The following SLMAP variants were observed in gnomAD, a reference collection of about 807,000 sequenced individuals.
SLMAP encodes sarcolemma associated protein.
SLMAP carries 44 observed loss-of-function variants against 128.8 expected under a neutral mutation model. That is an observed-to-expected ratio of 0.34 (90% CI 0.27 to 0.44). The LOEUF (loss-of-function observed/expected upper bound fraction) is 0.44. Ranked by LOEUF, SLMAP falls within the 20% of genes least tolerant of loss-of-function variation. The pLI is 1.00. For missense variants in SLMAP, 787 were observed against 985.3 expected (o/e 0.80, Z 2.69); for synonymous variants, 327 against 348.8 (o/e 0.94, Z 0.70).
At position 57,913,868 on chromosome 3, in the gene SLMAP, G is replaced by T. The variant is rs542496950; in HGVS notation, c.2138+593G>T. ...GGCTACTTGGAAGGCTGAGGTGGGAGAATTGCTTGGGCCCAGGAGGTCAAG... is the reference window on the plus strand; with the variant it reads ...GGCTACTTGGAAGGCTGAGGTGGGATAATTGCTTGGGCCCAGGAGGTCAAG... On this transcript the variant is annotated intron_variant, in intron 21 of 24. Coordinates refer to ENST00000671191, the MANE Select transcript of SLMAP (RefSeq NM_001377540.1). Among the ~76,000 whole-genome samples, 11 of 152,086 alleles carry T rather than the reference G, an allele frequency of 7.2e-5. No homozygotes were observed. The East Asian group carries it at 2.1e-3, about 29-fold the overall frequency.
rs548817125 is a variant in SLMAP, at chr3:57,768,993, A to G, written c.198+11144A>G. 2.8e-4 allele frequency among the ~76,000 whole-genome samples: 43 copies of G among 152,166 alleles called. No homozygotes were observed. The South Asian group carries it at 7.1e-3, about 25-fold the overall frequency. On this transcript the variant is annotated intron_variant, in intron 2 of 24. Coordinates refer to ENST00000671191, the MANE Select transcript of SLMAP (RefSeq NM_001377540.1). Reference sequence around the variant, plus strand: ...CCAATTCCATTAGATAAATCTCTCTATATAAATGTACATGCAATCGGTTCT... The same window carrying G: ...CCAATTCCATTAGATAAATCTCTCTGTATAAATGTACATGCAATCGGTTCT...
At chr3:57,861,862 T>C (rs1325098143) in intron 9 of SLMAP, 87 bp from the exon 10 acceptor site, 6 of 1,156,254 alleles carry the variant, frequency 5.2e-6, no homozygotes, top group Non-Finnish European at 7.6e-6. Flanking sequence ...CATAGAATTA[T>C]ACTTTTTATA....
At chr3:57,887,333 G>T (rs1035144208) in intron 14 of SLMAP, among the ~76,000 whole-genome samples, 1 of 151,032 alleles carries the variant, frequency 6.6e-6, no homozygotes, top group Non-Finnish European at 1.5e-5. Flanking sequence ...GGGTTCAAAC[G>T]GTTCTCCTGC....
Position 57,757,063 on chromosome 3 carries a change from T to C in SLMAP, c.-589T>C, listed in dbSNP as rs2077784449. 1 of 158,222 alleles carries C rather than the reference T, an allele frequency of 6.3e-6. No individual in the cohort carries two copies. The highest frequency in any genetic ancestry group is 1.8e-4 in the South Asian group (1 of 5,612). The allele number at this position is 158,222 out of a possible 1,614,324, so 9.8% of individuals were successfully genotyped here. ...CGCTCAGCAGGGGCGATGCAGACTGTCCCGCCGGCCGTCTAGAGCCCCTCC... is the reference window on the plus strand; with the variant it reads ...CGCTCAGCAGGGGCGATGCAGACTGCCCCGCCGGCCGTCTAGAGCCCCTCC... On this transcript the variant is annotated 5_prime_UTR_variant, in exon 2 of 25. Coordinates refer to ENST00000671191, the MANE Select transcript of SLMAP (RefSeq NM_001377540.1).
chr3:57,796,384 T>C (rs1172896809), intron 2 of SLMAP, among the ~76,000 whole-genome samples: 1 of 151,864 alleles, frequency 6.6e-6, no homozygotes, highest in Non-Finnish European at 1.5e-5. Context: ...TCTAGCCTGG[T>C]AATTAAGAGC....
intron 2 of SLMAP, among the ~76,000 whole-genome samples, chr3:57,778,496 T>C (rs898945176): frequency 6.6e-6 from 1 of 151,436 alleles, no homozygotes; most frequent in Non-Finnish European, 1.5e-5. Context: ...ATTTTTGTTC[T>C]TTATTATTTC....
At chr3:57,818,843 T>C (rs2092219016) in intron 2 of SLMAP, among the ~76,000 whole-genome samples, 3 of 152,226 alleles carry the variant, frequency 2.0e-5, no homozygotes, top group African/African-American at 4.8e-5. Flanking sequence ...TAAATAGAGA[T>C]AGAATTTGAA....
chr3:57,896,022 T>C (rs1559479269), intron 15 of SLMAP, among the ~76,000 whole-genome samples: 1 of 150,246 alleles, frequency 6.7e-6, no homozygotes. Context: ...AATTTTCTTA[T>C]TTTAAGTGGC....
chr3:57,812,538 A>T (rs907604321), intron 2 of SLMAP, among the ~76,000 whole-genome samples: 14 of 152,196 alleles, frequency 9.2e-5, no homozygotes, highest in African/African-American at 3.4e-4. Context: ...TTTCTTTTTC[A>T]AGATTGTTTT....
In SLMAP at chr3:57,847,247, GATT is replaced by G. The variant is rs1222881471; in HGVS notation, c.456+18_456+20del. On this transcript the variant is annotated intron_variant, in intron 5 of 24. Coordinates refer to ENST00000671191, the MANE Select transcript of SLMAP (RefSeq NM_001377540.1). ...CCTGTTGACAAAGTAAGTTGCTAAT[GATT>G]ATTTTTTCCAAACTGACTCAGCTAT... is the stretch of plus-strand genomic sequence containing the variant. 9.4e-6 allele frequency: 15 copies of G among 1,601,690 alleles called. No homozygotes were observed. Among genetic ancestry groups the G allele is most frequent in the Non-Finnish European group, 1.3e-5 (15 of 1,170,384 alleles).
chr3:57,827,821 T>G (rs1368207097), intron 2 of SLMAP, among the ~76,000 whole-genome samples: 2 of 152,054 alleles, frequency 1.3e-5, no homozygotes, highest in African/African-American at 4.8e-5. Flanking sequence ...AGAAGAAGGT[T>G]ATCAGCATAG....
chr3:57,791,421 T>C (rs1281857587), intron 2 of SLMAP, among the ~76,000 whole-genome samples: 1 of 152,154 alleles, frequency 6.6e-6, no homozygotes, highest in Non-Finnish European at 1.5e-5. Context: ...TTGTACTCTT[T>C]ACTTGCACAA....
At chr3:57,759,919 A>G (rs982180022) in intron 2 of SLMAP, among the ~76,000 whole-genome samples, 1 of 152,192 alleles carries the variant, frequency 6.6e-6, no homozygotes, top group African/African-American at 2.4e-5. Context: ...TGACTGTTTC[A>G]TGAATTGAGA....
At chr3:57,819,133 T>C (rs553817800) in intron 2 of SLMAP, among the ~76,000 whole-genome samples, 7 of 152,330 alleles carry the variant, frequency 4.6e-5, no homozygotes, top group Middle Eastern at 3.4e-3. Context: ...CCCAGAAAGT[T>C]TGTTTGCTTT....
rs201111677 is a variant in SLMAP at position 57,909,168 on chromosome 3, G to A, written c.1699+18G>A. 1 of 1,554,392 alleles carries A rather than the reference G, an allele frequency of 6.4e-7. No individual in the cohort carries two copies. The highest frequency in any genetic ancestry group is 8.8e-7 in the Non-Finnish European group (1 of 1,136,018). ...TCTTCAAGGTATGGAAGACCCCAAG[G>A]CTCTTTGAGATTGTTATTGTGTGTT... is the stretch of plus-strand genomic sequence containing the variant. On this transcript the variant is annotated intron_variant, in intron 19 of 24. Coordinates refer to ENST00000671191, the MANE Select transcript of SLMAP (RefSeq NM_001377540.1).
At chr3:57,842,715 C>A (rs982033193) in intron 4 of SLMAP, among the ~76,000 whole-genome samples, 3 of 152,096 alleles carry the variant, frequency 2.0e-5, no homozygotes, top group Non-Finnish European at 4.4e-5. Context: ...TTCTCTAATT[C>A]TTTTCATCTT....
intron 22 of SLMAP, among the ~76,000 whole-genome samples, chr3:57,918,966 C>T (rs2096864083): frequency 6.6e-6 from 1 of 152,166 alleles, no homozygotes; most frequent in Admixed American, 6.5e-5. Flanking sequence ...AGTTAGAAAG[C>T]AAGATGGAGC....
intron 22 of SLMAP, among the ~76,000 whole-genome samples, chr3:57,922,420 C>CT (rs1361913887): frequency 3.2e-4 from 46 of 142,718 alleles, no homozygotes; most frequent in South Asian, 6.6e-4. Flanking sequence ...ACATTAAAGG[C>CT]TTTTCTTTTT....
chr3:57,910,302 G>T (rs532693719), intron 19 of SLMAP, among the ~76,000 whole-genome samples: 67 of 152,168 alleles, frequency 4.4e-4, no homozygotes, highest in African/African-American at 1.6e-3. Context: ...TGATTCTGGA[G>T]CCTCCCAAGT....
Sources: allele counts gnomAD v4.1 joint callset (sites outside exome capture counted in the v4.1 genomes callset), GRCh38; gene constraint gnomAD v4.1.1; transcripts MANE v1.5; gene names NCBI Gene and HGNC (gene_info 2026-07-23, HGNC 2026-07-21).